Variants in RBM19 observed in about 807,000 individuals in gnomAD.
RBM19 encodes RNA binding motif protein 19.
Under a neutral mutation model 116.8 loss-of-function variants are expected in RBM19, and 94 were observed. The ratio of observed to expected loss-of-function variants is 0.80; its 90% CI spans 0.68 to 0.95. The LOEUF (loss-of-function observed/expected upper bound fraction) is 0.95. RBM19 is among the 40% of genes least tolerant of loss of function. RBM19 has a pLI of 0.00. For synonymous variants in RBM19, 475 were observed against 494.1 expected (o/e 0.96, Z 0.51); for missense variants, 1,161 against 1,220.7 (o/e 0.95, Z 0.73).
At chr12:113,936,483 G>C (rs1870075543) in intron 16 of RBM19, among the ~76,000 whole-genome samples, 1 of 152,234 alleles carries the variant, frequency 6.6e-6, no homozygotes, top group South Asian at 2.1e-4. Flanking sequence ...AAGCAGTCCT[G>C]ACAAGAAAGT....
intron 21 of RBM19, among the ~76,000 whole-genome samples, chr12:113,897,876 G>T (rs1184700503): frequency 9.2e-5 from 14 of 152,162 alleles, no homozygotes; most frequent in Admixed American, 9.2e-4. Flanking sequence ...GATTACCTGA[G>T]CAGAGCCTCT....
intron 2 of RBM19, among the ~76,000 whole-genome samples, chr12:113,960,946 C>T (rs892679675): frequency 1.3e-4 from 20 of 152,192 alleles, no homozygotes; most frequent in South Asian, 2.1e-4. Context: ...CATCCACCAC[C>T]GCAAGCCACT....
intron 21 of RBM19, among the ~76,000 whole-genome samples, chr12:113,883,879 AC>A (rs1215843622): frequency 4.9e-4 from 74 of 152,324 alleles, no homozygotes; most frequent in Admixed American, 4.8e-3. Flanking sequence ...CTGTAATATA[AC>A]CCTGGATAGG....
intron 23 of RBM19, among the ~76,000 whole-genome samples, chr12:113,832,227 T>G (rs368656440): frequency 1.3e-5 from 2 of 152,122 alleles, no homozygotes. Flanking sequence ...TCTCACTCTG[T>G]TGCCCAGGCT....
chr12:113,966,013 C>T (rs1158727824), intron 1 of RBM19, 179 bp downstream of exon 1: 1 of 672,242 alleles, frequency 1.5e-6, no homozygotes, highest in Non-Finnish European at 2.5e-6. Context: ...AGTCACTATT[C>T]CTCTTTCCTC....
rs767619339 is a variant in RBM19 at position 113,942,446 on chromosome 12, GA to G, written c.1627-13del. On this transcript the variant is annotated splice_polypyrimidine_tract_variant and intron_variant, in intron 13 of 23. Transcript: ENST00000261741. ...CTGCCCTTGGTCTCCTGTGGAAGAGGAAAGGAAGAGTTCTGGTTGGCTGTCG... is the reference window on the plus strand; with the variant it reads ...CTGCCCTTGGTCTCCTGTGGAAGAGGAAGGAAGAGTTCTGGTTGGCTGTCG... The G allele has an allele frequency of 1.6e-5, 25 of 1,595,888 alleles. No individual in the cohort carries two copies. Among genetic ancestry groups the G allele is most frequent in the Non-Finnish European group, 2.0e-5 (23 of 1,175,588 alleles).
At chr12:113,939,299 C>T (rs567716109) in intron 15 of RBM19, among the ~76,000 whole-genome samples, 2 of 151,950 alleles carry the variant, frequency 1.3e-5, no homozygotes, top group Admixed American at 1.3e-4. Flanking sequence ...GAGCGAGACC[C>T]TGTCTTTCAA....
At position 113,966,224 on chromosome 12, in the gene RBM19, A is replaced by G. The variant is rs1256453283; in HGVS notation, c.4T>C (p.Ser2Pro). 1 of 1,614,114 alleles carries G rather than the reference A, an allele frequency of 6.2e-7. No individual in the cohort carries two copies. The highest frequency in any genetic ancestry group is 8.5e-7 in the Non-Finnish European group (1 of 1,180,054). The change falls in exon 1 of 24, where the codon TCG (serine) becomes CCG (proline). Residue 2 changes from serine (S) to proline (P), a missense_variant. Physicochemically the swap from Ser to Pro is moderately conservative, Grantham distance 74. Transcript: ENST00000261741. The part of the protein sequence containing the change: M[S>P]RLIVKNLPNG... ...GGGAGATTCTTCACGATCAGTCGCGACATGGCGCAGGGTCCCCGCTGTTTT... is the reference window on the plus strand; with the variant it reads ...GGGAGATTCTTCACGATCAGTCGCGGCATGGCGCAGGGTCCCCGCTGTTTT...
At position 113,903,969 on chromosome 12, in the gene RBM19, A is replaced by G. The variant is rs1881877230; in HGVS notation, c.2558+11000T>C. ...TTGAGCTACATCCCACAGCTGGTTA[A>G]TGTGAACCCTGGAGTCCACTAAGAA... On this transcript the variant is annotated intron_variant, in intron 21 of 23. Transcript: ENST00000261741. This position sits in a 1 kb window ranked among gnomAD's most constrained non-coding sequence, Gnocchi z 5.1. Among the ~76,000 whole-genome samples the G allele has an allele frequency of 6.6e-6, 1 of 152,222 alleles. No individual in the cohort carries two copies. The highest frequency in any genetic ancestry group is 2.4e-5 in the African/African-American group (1 of 41,452).
intron 8 of RBM19, among the ~76,000 whole-genome samples, chr12:113,951,307 A>G (rs770211115): frequency 2.0e-5 from 3 of 151,898 alleles, no homozygotes; most frequent in Non-Finnish European, 4.4e-5. Flanking sequence ...GGCCTCCAAT[A>G]TGGTTTTCTC....
chr12:113,831,156 A>C (rs76956984), intron 23 of RBM19, among the ~76,000 whole-genome samples: 12,592 of 152,246 alleles, frequency 0.083, 912 homozygotes, highest in African/African-American at 0.17. Context: ...CAAATCTTCC[A>C]GTAGGAAAAT....
intron 15 of RBM19, 94 bp from the exon 16 acceptor site, chr12:113,937,230 C>T: frequency 1.4e-6 from 2 of 1,468,860 alleles, no homozygotes; most frequent in Non-Finnish European, 1.8e-6. Flanking sequence ...CCAAGGGTCA[C>T]AGAGGATGGG....
At chr12:113,879,448 T>TATATATATATATATATATATATACAC (rs1555234795) in intron 21 of RBM19, among the ~76,000 whole-genome samples, 1 of 149,282 alleles carries the variant, frequency 6.7e-6, no homozygotes, top group East Asian at 2.1e-4. Context: ...TATATATATA[T>TATATATATATATATATATATATACAC]ATGGACTTTT....
At chr12:113,957,750 C>T (rs1440260714) in intron 6 of RBM19, 32 bp downstream of exon 6, 1 of 1,538,314 alleles carries the variant, frequency 6.5e-7, no homozygotes, top group Non-Finnish European at 8.8e-7. Flanking sequence ...GAGCGCACCT[C>T]CTCCCTCATC....
chr12:113,905,903 A>G (rs1882009863), intron 21 of RBM19, among the ~76,000 whole-genome samples: 2 of 152,236 alleles, frequency 1.3e-5, no homozygotes, highest in Admixed American at 6.5e-5. Flanking sequence ...TAGAACCATA[A>G]TACAGTAATA....
intron 22 of RBM19, among the ~76,000 whole-genome samples, chr12:113,858,164 C>T (rs539149148): frequency 1.3e-5 from 2 of 152,344 alleles, no homozygotes; most frequent in South Asian, 4.1e-4. Flanking sequence ...GGCCCAGCAC[C>T]CACTGCAGGA....
chr12:113,829,270 T>C (rs1875156656), intron 23 of RBM19, among the ~76,000 whole-genome samples: 3 of 152,224 alleles, frequency 2.0e-5, no homozygotes, highest in African/African-American at 7.2e-5. Context: ...CATGAGCCAC[T>C]ACGTCCAGCC....
intron 23 of RBM19, among the ~76,000 whole-genome samples, chr12:113,824,602 CAGG>C (rs1874700328): frequency 6.6e-6 from 1 of 152,044 alleles, no homozygotes; most frequent in South Asian, 2.1e-4. Flanking sequence ...CATTTATCCG[CAGG>C]CTGTGAGCTC....
chr12:113,966,263 C>A lies in RBM19; in HGVS notation c.-36G>T. ...CCCCGCTGTTTTGATTCCAACACGA[C>A]TGGTCAGCGTCTTCCACCAAGTTTC... On this transcript the variant is annotated 5_prime_UTR_variant, in exon 1 of 24. Coordinates refer to ENST00000261741, the MANE Select transcript of RBM19 (RefSeq NM_016196.4). The A allele has an allele frequency of 6.2e-7, 1 of 1,613,524 alleles. No individual in the cohort carries two copies. Among genetic ancestry groups the A allele is most frequent in the Non-Finnish European group, 8.5e-7 (1 of 1,179,908 alleles).
Sources: allele counts gnomAD v4.1 joint callset (sites outside exome capture counted in the v4.1 genomes callset), GRCh38; gene constraint gnomAD v4.1.1; non-coding constraint Gnocchi (gnomAD v3.1); transcripts MANE v1.5; gene names NCBI Gene and HGNC (gene_info 2026-07-23, HGNC 2026-07-21).